The following COL6A5 variants were observed in gnomAD, a reference collection of about 807,000 sequenced individuals.
COL6A5 encodes the protein collagen alpha-5(VI) chain.
A neutral mutation model predicts 65.6 loss-of-function variants in COL6A5; 48 were observed. The ratio of observed to expected loss-of-function variants is 0.73; its 90% confidence interval spans 0.58 to 0.93. The LOEUF (loss-of-function observed/expected upper bound fraction) is 0.93, where lower values mean the gene tolerates loss of function less well. Ranked by LOEUF, COL6A5 falls within the 40% of genes least tolerant of loss-of-function variation. The pLI, the probability that COL6A5 is intolerant of heterozygous loss-of-function variation, is 0.00. For synonymous variants in COL6A5, 291 were observed against 322.8 expected, an observed-to-expected ratio of 0.90 and a Z score of 1.05; for missense variants, 914 against 928.3, an observed-to-expected ratio of 0.98 and a Z score of 0.20.
exon 4 of COL6A5, chr3:130,379,700 C>CCATTGAT: frequency 6.4e-7 from 1 of 1,551,426 alleles, no homozygotes; most frequent in Non-Finnish European, 8.7e-7. Context: ...ACAGGGGCTG[C>CCATTGAT]CATTGATCAG....
intron 4 of COL6A5, among the ~76,000 whole-genome samples, 188 bp downstream of exon 4, chr3:130,380,238 C>T (rs1353102979): frequency 6.6e-6 from 1 of 152,054 alleles, no homozygotes; most frequent in African/African-American, 2.4e-5. Context: ...GAACAATACA[C>T]TTACAAGAGG....
intron 5 of COL6A5, among the ~76,000 whole-genome samples, chr3:130,462,793 A>G (rs1709730883): frequency 6.6e-6 from 1 of 152,106 alleles, no homozygotes; most frequent in African/African-American, 2.4e-5. Context: ...CTTCAATCAG[A>G]AGGAACAGCC....
chr3:130,406,571 T>C (rs1937000940), intron 17 of COL6A5, among the ~76,000 whole-genome samples: 1 of 152,178 alleles, frequency 6.6e-6, no homozygotes, highest in African/African-American at 2.4e-5. Context: ...TTCTCATGTC[T>C]GAAAATGAAT....
intron 27 of COL6A5, 82 bp from the exon 28 acceptor site, chr3:130,422,638 A>C: frequency 1.2e-6 from 1 of 838,530 alleles, no homozygotes; most frequent in South Asian, 1.6e-5. Context: ...ATATCAATCA[A>C]GTTTGAGTCC....
intron 6 of COL6A5, among the ~76,000 whole-genome samples, chr3:130,470,108 C>T (rs1709911644): frequency 6.6e-6 from 1 of 152,056 alleles, no homozygotes; most frequent in African/African-American, 2.4e-5. Context: ...GGACAAATCT[C>T]CTCTACAGCC....
exon 8 of COL6A5, chr3:130,395,030 G>C (rs1936545177): frequency 6.4e-6 from 10 of 1,551,478 alleles, no homozygotes; most frequent in Non-Finnish European, 6.1e-6. Flanking sequence ...AATGAAAATT[G>C]GTATGGCTCA....
chr3:130,465,799 A>G (rs548221851), intron 5 of COL6A5, among the ~76,000 whole-genome samples: 75 of 152,212 alleles, frequency 4.9e-4, no homozygotes, highest in African/African-American at 1.8e-3. Context: ...CAAACCAGTC[A>G]TTGTAACGGT....
intron 1 of COL6A5, among the ~76,000 whole-genome samples, chr3:130,349,388 T>C (rs1454746563): frequency 1.3e-5 from 2 of 152,216 alleles, no homozygotes; most frequent in East Asian, 1.9e-4. Flanking sequence ...ATCTGTGGTA[T>C]GGGTATAATT....
intron 2 of COL6A5, 31 bp downstream of exon 2, chr3:130,373,736 T>A (rs1052097595): frequency 7.3e-7 from 1 of 1,364,178 alleles, no homozygotes; most frequent in African/African-American, 1.5e-5. Flanking sequence ...TATTATTATT[T>A]AGGAAATATT....
intron 29 of COL6A5, 53 bp downstream of exon 29, chr3:130,423,953 A>T (rs1937560010): frequency 2.2e-6 from 3 of 1,348,470 alleles, no homozygotes. Context: ...AGTATGTTCC[A>T]TGGAAAGGGC....
At chr3:130,391,899 A>C (rs2107653962) in intron 7 of COL6A5, 145 bp downstream of exon 7, 1 of 690,138 alleles carries the variant, frequency 1.4e-6, no homozygotes, top group South Asian at 2.0e-5. Context: ...CATCTCTAAA[A>C]GAAATGGGTT....
intron 21 of COL6A5, 60 bp from the exon 22 acceptor site, chr3:130,414,009 G>A: frequency 7.8e-7 from 1 of 1,286,540 alleles, no homozygotes; most frequent in Non-Finnish European, 1.1e-6. Flanking sequence ...AGTATGAAAA[G>A]AAAATCTATA....
intron 1 of COL6A5, among the ~76,000 whole-genome samples, chr3:130,437,290 G>T (rs1423900143): frequency 6.6e-6 from 1 of 151,910 alleles, no homozygotes; most frequent in Non-Finnish European, 1.5e-5. Context: ...TTAAGTACTA[G>T]TATTAAGTAT....
intron 18 of COL6A5, 67 bp from the exon 19 acceptor site, chr3:130,409,942 T>A: frequency 8.9e-7 from 1 of 1,122,826 alleles, no homozygotes; most frequent in South Asian, 1.4e-5. Context: ...TACTTGAACA[T>A]CATACCGTTT....
chr3:130,455,925 GT>G (rs1489366022), intron 5 of COL6A5, among the ~76,000 whole-genome samples: 2 of 152,060 alleles, frequency 1.3e-5, no homozygotes, highest in Non-Finnish European at 2.9e-5. Context: ...AGCATCCACA[GT>G]TTAGAAGGTT....
intron 1 of COL6A5, among the ~76,000 whole-genome samples, chr3:130,348,170 T>C (rs1489225712): frequency 6.6e-6 from 1 of 152,190 alleles, no homozygotes; most frequent in African/African-American, 2.4e-5. Flanking sequence ...GTTTGTTACA[T>C]AGGTATACAT....
intron 1 of COL6A5, among the ~76,000 whole-genome samples, chr3:130,357,553 G>A (rs1401275353): frequency 6.6e-6 from 1 of 152,044 alleles, no homozygotes; most frequent in Non-Finnish European, 1.5e-5. Context: ...CAAAATTCCC[G>A]AATCAAATAT....
At chr3:130,379,350 T>C in intron 3 of COL6A5, 68 bp from the exon 4 acceptor site, 1 of 1,373,766 alleles carries the variant, frequency 7.3e-7, no homozygotes, top group South Asian at 1.5e-5. Context: ...CTTGATAATG[T>C]AAAAAGTACC....
chr3:130,410,527 A>G lies in COL6A5; in HGVS notation c.4662+3A>G. Reference sequence around the variant, plus strand: ...GTCCTAGTTCCAGAGGCAGCAGGGTAAGTATTTCTGTGGACATTTATTTCC... The same window carrying G: ...GTCCTAGTTCCAGAGGCAGCAGGGTGAGTATTTCTGTGGACATTTATTTCC... On this transcript the variant is annotated splice_donor_region_variant and intron_variant and NMD_transcript_variant, in intron 20 of 41. Coordinates refer to the COL6A5 transcript ENST00000312481. 6.5e-7 allele frequency: 1 copy of G among 1,549,752 alleles called. No individual in the cohort carries two copies. Among genetic ancestry groups the G allele is most frequent in the Non-Finnish European group, 8.7e-7 (1 of 1,145,370 alleles).
Sources: allele counts gnomAD v4.1 joint callset (sites outside exome capture counted in the v4.1 genomes callset), GRCh38; gene constraint gnomAD v4.1.1; transcripts MANE v1.5; gene names NCBI Gene and HGNC (gene_info 2026-07-23, HGNC 2026-07-21).